Variants in CTNNBL1 observed in about 807,000 individuals in gnomAD.
CTNNBL1 encodes catenin beta like 1, also known as beta-catenin-like protein 1.
Under a neutral mutation model 72.7 loss-of-function variants are expected in CTNNBL1, and 31 were observed. That is an observed-to-expected ratio of 0.43 (90% confidence interval 0.32 to 0.58). The LOEUF (loss-of-function observed/expected upper bound fraction) is 0.58. CTNNBL1 is among the 20% of genes least tolerant of loss of function. The pLI is 0.08. For synonymous variants in CTNNBL1, 240 were observed against 267.3 expected (o/e 0.90, Z 1.00); for missense variants, 534 against 725.1 (o/e 0.74, Z 3.03).
intron 4 of CTNNBL1, among the ~76,000 whole-genome samples, chr20:37,748,479 C>T (rs892344535): frequency 2.6e-5 from 4 of 152,128 alleles, no homozygotes; most frequent in African/African-American, 9.7e-5. Flanking sequence ...GCTGTGAGTG[C>T]TCATGATGTA....
intron 10 of CTNNBL1, among the ~76,000 whole-genome samples, chr20:37,780,552 A>C (rs1289503507): frequency 6.6e-6 from 1 of 152,116 alleles, no homozygotes; most frequent in Non-Finnish European, 1.5e-5. Flanking sequence ...GCTGTTTCCC[A>C]TGCTGTGAAT....
intron 4 of CTNNBL1, among the ~76,000 whole-genome samples, chr20:37,749,283 T>C (rs950686340): frequency 1.3e-5 from 2 of 152,248 alleles, no homozygotes; most frequent in Admixed American, 1.3e-4. Flanking sequence ...ACTCTCATTC[T>C]TTTTTCTATT....
intron 11 of CTNNBL1, among the ~76,000 whole-genome samples, chr20:37,804,716 T>C (rs1332528967): frequency 2.6e-5 from 4 of 151,870 alleles, no homozygotes; most frequent in Admixed American, 1.3e-4. Context: ...TGGAACAGAG[T>C]GTGAAGGAAA....
chr20:37,825,328 G>A (rs1017321690), intron 11 of CTNNBL1, among the ~76,000 whole-genome samples: 7 of 152,050 alleles, frequency 4.6e-5, no homozygotes, highest in Non-Finnish European at 7.4e-5. Context: ...ACTCCAGCCT[G>A]GGCGGCAGAA....
chr20:37,698,836 A>G (rs1424158247), intron 1 of CTNNBL1, among the ~76,000 whole-genome samples: 1 of 152,200 alleles, frequency 6.6e-6, no homozygotes, highest in East Asian at 1.9e-4. Flanking sequence ...TCTTGAGTCC[A>G]GGAGTTCCAG....
At position 37,815,160 on chromosome 20, in the gene CTNNBL1, T is replaced by C. The variant is rs74790705; in HGVS notation, c.1213+12112T>C. On this transcript the variant is annotated intron_variant, in intron 11 of 15. Transcript: ENST00000361383. ...TATACTGTTTTTACTCACTGCATCT[T>C]GGGCATTTTTTAGCAAGGGTGGGCA... Among the ~76,000 whole-genome samples, 908 of 151,780 alleles carry C rather than the reference T, an allele frequency of 6.0e-3. 8 individuals are homozygous for C. The highest frequency in any genetic ancestry group is 0.021 in the African/African-American group (862 of 41,344).
intron 4 of CTNNBL1, among the ~76,000 whole-genome samples, chr20:37,747,116 G>A (rs1426585076): frequency 6.6e-6 from 1 of 152,194 alleles, no homozygotes; most frequent in Non-Finnish European, 1.5e-5. Context: ...GGTGGCTTGT[G>A]CCTGTAATCC....
intron 3 of CTNNBL1, among the ~76,000 whole-genome samples, chr20:37,741,859 G>C (rs1486536770): frequency 6.6e-6 from 1 of 152,018 alleles, no homozygotes; most frequent in Admixed American, 6.6e-5. Context: ...CTGCTTGTTT[G>C]TTTTATTTTG....
chr20:37,760,929 A>G (rs1011436009), intron 5 of CTNNBL1, among the ~76,000 whole-genome samples: 4 of 152,216 alleles, frequency 2.6e-5, no homozygotes, highest in African/African-American at 9.7e-5. Flanking sequence ...AACACTCAAT[A>G]AAACCACATT....
Position 37,827,136 on chromosome 20 carries a change from T to G in CTNNBL1, c.1214-12966T>G, listed in dbSNP as rs552561570. Among the ~76,000 whole-genome samples the G allele has an allele frequency of 3.9e-5, 6 of 152,348 alleles. No homozygotes were observed. The South Asian group carries it at 1.2e-3, about 32-fold the overall frequency. On this transcript the variant is annotated intron_variant, in intron 11 of 15. Transcript: ENST00000361383. ...TGGGTTAGGCTTTCACTCAGCATACTGTTTTTGAGATTCACCATAGGTTGT... is the reference window on the plus strand; with the variant it reads ...TGGGTTAGGCTTTCACTCAGCATACGGTTTTTGAGATTCACCATAGGTTGT...
intron 13 of CTNNBL1, among the ~76,000 whole-genome samples, chr20:37,848,854 A>G (rs770872041): frequency 6.6e-6 from 1 of 152,196 alleles, no homozygotes; most frequent in Non-Finnish European, 1.5e-5. Context: ...GCTAAGTGCC[A>G]GGGCCTCCCA....
intron 7 of CTNNBL1, among the ~76,000 whole-genome samples, chr20:37,771,840 C>G (rs934628057): frequency 3.3e-5 from 5 of 152,242 alleles, no homozygotes; most frequent in Admixed American, 2.0e-4. Flanking sequence ...AGTGCCTTGC[C>G]CAAACCCCTG....
Position 37,736,666 on chromosome 20 carries a change from G to A in CTNNBL1, c.220-712G>A, listed in dbSNP as rs550835273. 7.9e-5 allele frequency among the ~76,000 whole-genome samples: 12 copies of A among 151,916 alleles called. No individual in the cohort carries two copies. In the South Asian group the frequency reaches 1.7e-3, roughly 21 times the overall value. ...AGTGATTCTCATGCCTCAACCTCCC[G>A]AGTAGCTGGGACTACAGGCATGTGC... On this transcript the variant is annotated intron_variant, in intron 2 of 15. Coordinates refer to ENST00000361383, the MANE Select transcript of CTNNBL1 (RefSeq NM_030877.5).
intron 5 of CTNNBL1, among the ~76,000 whole-genome samples, chr20:37,758,442 A>G (rs1307491271): frequency 2.0e-5 from 3 of 152,234 alleles, no homozygotes; most frequent in African/African-American, 7.2e-5. Context: ...CCAGCTGCAG[A>G]AGTGAAGCCT....
At chr20:37,792,112 T>C (rs1170636434) in intron 10 of CTNNBL1, among the ~76,000 whole-genome samples, 4 of 152,252 alleles carry the variant, frequency 2.6e-5, no homozygotes, top group African/African-American at 7.2e-5. Flanking sequence ...AAATATTCTC[T>C]TATTATCCTT....
chr20:37,735,481 G>C (rs1286421285), intron 2 of CTNNBL1, among the ~76,000 whole-genome samples: 2 of 152,220 alleles, frequency 1.3e-5, no homozygotes. Flanking sequence ...AGCTGGACTT[G>C]ATGAAGCTTT....
intron 13 of CTNNBL1, among the ~76,000 whole-genome samples, chr20:37,848,197 T>C (rs1041566662): frequency 6.9e-6 from 1 of 144,058 alleles, no homozygotes; most frequent in Admixed American, 7.2e-5. Flanking sequence ...TCACCCAGGC[T>C]AGAGTGCAGT....
At chr20:37,820,118 T>C (rs4809838) in intron 11 of CTNNBL1, among the ~76,000 whole-genome samples, 125,296 of 151,784 alleles carry the variant, frequency 0.83, 51,758 homozygotes, top group Middle Eastern at 0.89. Context: ...CTCAGGTGAT[T>C]CACCCGTCTC....
intron 11 of CTNNBL1, among the ~76,000 whole-genome samples, chr20:37,838,936 G>A (rs1027542163): frequency 2.0e-5 from 3 of 152,090 alleles, no homozygotes; most frequent in Non-Finnish European, 4.4e-5. Flanking sequence ...AAGTGGAGAG[G>A]GCAGGTAGAC....
Sources: allele counts gnomAD v4.1 joint callset (sites outside exome capture counted in the v4.1 genomes callset), GRCh38; gene constraint gnomAD v4.1.1; transcripts MANE v1.5; gene names NCBI Gene and HGNC (gene_info 2026-07-23, HGNC 2026-07-21).